Variants in ALDH7A1 observed in about 807,000 individuals in gnomAD.
ALDH7A1 encodes the protein alpha-aminoadipic semialdehyde dehydrogenase.
Under a neutral mutation model 79.9 loss-of-function variants are expected in ALDH7A1, and 63 were observed. That is an observed-to-expected ratio of 0.79 (90% CI 0.64 to 0.97). The LOEUF (loss-of-function observed/expected upper bound fraction) is 0.97, where lower values mean the gene tolerates loss of function less well. ALDH7A1 is among the 50% of genes least tolerant of loss of function. The probability of loss-of-function intolerance (pLI) is 0.00; values close to 1 mark genes in which losing one functional copy is unlikely to be tolerated. For missense variants in ALDH7A1, 627 were observed against 665.2 expected, an observed-to-expected ratio of 0.94 and a Z score of 0.63; for synonymous variants, 240 against 231.2, an observed-to-expected ratio of 1.04 and a Z score of -0.34.
chr5:126,576,795 C>T (rs373818821), intron 6 of ALDH7A1, among the ~76,000 whole-genome samples: 7 of 152,102 alleles, frequency 4.6e-5, no homozygotes, highest in East Asian at 1.9e-4. Flanking sequence ...GGCATGGTTG[C>T]GCATGCCTGT....
intron 5 of ALDH7A1, among the ~76,000 whole-genome samples, chr5:126,580,724 T>C (rs1439882685): frequency 6.6e-6 from 1 of 152,212 alleles, no homozygotes; most frequent in African/African-American, 2.4e-5. Flanking sequence ...GCTACCACTT[T>C]AGCATACACT....
At chr5:126,550,375 T>A in intron 14 of ALDH7A1, 82 bp from the exon 15 acceptor site, 1 of 1,048,126 alleles carries the variant, frequency 9.5e-7, no homozygotes, top group Non-Finnish European at 1.5e-6. Context: ...TTTCCTGAAG[T>A]GTACCAGTAT....
At chr5:126,594,139 G>C in intron 1 of ALDH7A1, 1 of 463,820 alleles carries the variant, frequency 2.2e-6, no homozygotes, top group South Asian at 1.6e-5. Flanking sequence ...ACATTGTTTT[G>C]AGCAGTAATG....
At chr5:126,575,054 C>A (rs1750919400) in intron 7 of ALDH7A1, among the ~76,000 whole-genome samples, 1 of 152,134 alleles carries the variant, frequency 6.6e-6, no homozygotes, top group African/African-American at 2.4e-5. Flanking sequence ...GCAAAAGCAA[C>A]AAAAGTATTA....
chr5:126,593,564 G>C, intron 1 of ALDH7A1, 160 bp from the exon 2 acceptor site: 3 of 1,018,846 alleles, frequency 2.9e-6, no homozygotes, highest in Non-Finnish European at 4.3e-6. Flanking sequence ...CCACTCTACA[G>C]AGGTTGTCTT....
chr5:126,554,448 T>G (rs1292743645), intron 12 of ALDH7A1, 55 bp from the exon 13 acceptor site: 5 of 1,414,698 alleles, frequency 3.5e-6, no homozygotes, highest in Non-Finnish European at 4.0e-6. Flanking sequence ...GGCATCGTTT[T>G]ATTATTAGAA....
At chr5:126,579,506 AT>A (rs1171453819) in intron 5 of ALDH7A1, among the ~76,000 whole-genome samples, 1 of 152,206 alleles carries the variant, frequency 6.6e-6, no homozygotes. Flanking sequence ...TTATAAGCTT[AT>A]AAATCCCTTG....
intron 7 of ALDH7A1, among the ~76,000 whole-genome samples, chr5:126,574,023 C>CAAAAAAA (rs34601459): frequency 8.7e-5 from 5 of 57,234 alleles, no homozygotes; most frequent in African/African-American, 2.0e-4. Context: ...AAGACTGTCT[C>CAAAAAAA]AAAAAAAAAA....
chr5:126,592,407 A>G, intron 3 of ALDH7A1: 2 of 529,004 alleles, frequency 3.8e-6, no homozygotes, highest in Non-Finnish European at 6.7e-6. Context: ...GCTCAAGTTT[A>G]TACTATACCA....
chr5:126,575,715 C>T (rs576688733), intron 6 of ALDH7A1, among the ~76,000 whole-genome samples: 1 of 152,278 alleles, frequency 6.6e-6, no homozygotes, highest in East Asian at 1.9e-4. Flanking sequence ...CTGCACTGAT[C>T]GCAGGAATCA....
chr5:126,551,337 T>C (rs1304617830), intron 14 of ALDH7A1, among the ~76,000 whole-genome samples: 5 of 150,492 alleles, frequency 3.3e-5, no homozygotes, highest in Non-Finnish European at 5.9e-5. Context: ...TTTTTTGAGA[T>C]GGAGTCTCAC....
chr5:126,580,756 C>T (rs748574726), intron 5 of ALDH7A1, among the ~76,000 whole-genome samples: 5 of 152,144 alleles, frequency 3.3e-5, no homozygotes, highest in Admixed American at 1.3e-4. Context: ...ATTGCCAATG[C>T]AGACATACAG....
chr5:126,582,662 C>A, intron 5 of ALDH7A1, 189 bp downstream of exon 5: 1 of 712,692 alleles, frequency 1.4e-6, no homozygotes, highest in South Asian at 2.0e-5. Context: ...ATCTTTAAAA[C>A]AAAAAGGTTC....
At chr5:126,569,288 GT>G (rs1281505056) in intron 8 of ALDH7A1, 4 of 152,246 alleles carry the variant, frequency 2.6e-5, no homozygotes, top group African/African-American at 9.6e-5. Context: ...TGGAAAAATT[GT>G]CTTCCACTAA....
intron 5 of ALDH7A1, 108 bp from the exon 6 acceptor site, chr5:126,577,319 AG>A: frequency 6.9e-7 from 1 of 1,439,252 alleles, no homozygotes; most frequent in Non-Finnish European, 9.6e-7. Context: ...GATGCCTTAT[AG>A]TGGGAAATTG....
rs1007871645 is a variant in ALDH7A1, at chr5:126,593,375, G to A, written c.222C>T (p.Asn74=). The A allele has an allele frequency of 2.9e-5, 46 of 1,611,992 alleles. No homozygotes were observed. In the East Asian group the frequency reaches 6.7e-4, roughly 23 times the overall value. The part of the protein sequence containing the change: ...EVITTYCPAN[N]EPIARVRQAS... ...CCTGTCGGACTCTTGCTATTGGCTC[G>A]TTGTTAGCAGGGCAATAGGTCGTAA... Residue 74 remains asparagine (N), a synonymous_variant, in exon 2 of 18, where the codon AAC becomes AAT. Coordinates refer to ENST00000409134, the MANE Select transcript of ALDH7A1 (RefSeq NM_001182.5).
intron 9 of ALDH7A1, among the ~76,000 whole-genome samples, chr5:126,565,082 T>A (rs1337224396): frequency 6.6e-6 from 1 of 152,204 alleles, no homozygotes; most frequent in Non-Finnish European, 1.5e-5. Context: ...TCTTTTCATG[T>A]GCTAATCGGC....
rs538717243 is a variant in ALDH7A1, at chr5:126,578,622, G to C, written c.518-1411C>G. Among the ~76,000 whole-genome samples the C allele has an allele frequency of 4.2e-5, 5 of 119,482 alleles. No individual in the cohort carries two copies. In the South Asian group the frequency reaches 1.2e-3, roughly 29 times the overall value. 78.4% of individuals were successfully genotyped at this position (119,482 alleles called of 152,430 possible). A position where few individuals can be genotyped will look rare whatever the true frequency, so the allele number is the denominator to read the frequency against. On this transcript the variant is annotated intron_variant, in intron 5 of 17. Transcript: ENST00000409134. Reference sequence around the variant, plus strand: ...CCACTGCACTCCAGCCTGGACAACAGAGTAAGACCCTGTATCAAAAAAAAA... The same window carrying C: ...CCACTGCACTCCAGCCTGGACAACACAGTAAGACCCTGTATCAAAAAAAAA...
At chr5:126,590,728 T>C (rs1751525709) in intron 3 of ALDH7A1, among the ~76,000 whole-genome samples, 1 of 151,564 alleles carries the variant, frequency 6.6e-6, no homozygotes, top group Admixed American at 6.6e-5. Context: ...CTACAAAAAA[T>C]ACAAAAAAAT....
Sources: gnomAD v4.1 joint callset for allele counts (sites outside exome capture counted in the v4.1 genomes callset) on GRCh38, gnomAD v4.1.1 for gene constraint, MANE v1.5 for transcripts, NCBI Gene and HGNC (gene_info 2026-07-23, HGNC 2026-07-21) for gene names.